Variants in MAD1L1 observed in about 807,000 individuals in gnomAD.
MAD1L1 encodes mitotic arrest deficient 1 like 1.
Under a neutral mutation model 96.9 loss-of-function variants are expected in MAD1L1, and 95 were observed. The ratio of observed to expected loss-of-function variants is 0.98; its 90% CI spans 0.83 to 1.16. The LOEUF (loss-of-function observed/expected upper bound fraction) is 1.16, where lower values mean the gene tolerates loss of function less well. MAD1L1 is among the 50% of genes most tolerant of loss of function. The probability of loss-of-function intolerance (pLI) is 0.00; values close to 1 mark genes in which losing one functional copy is unlikely to be tolerated. For missense variants in MAD1L1, 1,007 were observed against 954.4 expected (o/e 1.06, Z -0.73); for synonymous variants, 473 against 396.6 (o/e 1.19, Z -2.29).
chr7:2,215,809 C>A (rs1036626074), intron 9 of MAD1L1, 76 bp downstream of exon 9: 3 of 1,344,214 alleles, frequency 2.2e-6, no homozygotes, highest in Non-Finnish European at 1.1e-6. Context: ...AGCTGGTGGG[C>A]GTGACCACAA....
intron 3 of MAD1L1, among the ~76,000 whole-genome samples, chr7:2,226,304 GT>G (rs1406134064): frequency 6.6e-6 from 1 of 152,206 alleles, no homozygotes; most frequent in Non-Finnish European, 1.5e-5. Context: ...AGGAAGGTGA[GT>G]GTGCACAAGG....
intron 12 of MAD1L1, among the ~76,000 whole-genome samples, chr7:2,016,992 G>A (rs1000111391): frequency 2.6e-5 from 4 of 152,268 alleles, no homozygotes; most frequent in South Asian, 2.1e-4. Context: ...AGCTGTAATT[G>A]TCTCTTTTAT....
intron 18 of MAD1L1, among the ~76,000 whole-genome samples, chr7:1,884,448 CTT>C (rs1785885002): frequency 6.6e-6 from 1 of 152,202 alleles, no homozygotes; most frequent in Non-Finnish European, 1.5e-5. Flanking sequence ...CCTCAATGCT[CTT>C]GAGGAGCAAC....
chr7:2,190,524 G>T (rs1340214172), intron 10 of MAD1L1, among the ~76,000 whole-genome samples: 2 of 152,114 alleles, frequency 1.3e-5, no homozygotes, highest in South Asian at 4.1e-4. Context: ...AAATGAAAAG[G>T]AAGCCACGTA....
At chr7:2,086,508 T>C (rs1455718850) in intron 11 of MAD1L1, among the ~76,000 whole-genome samples, 1 of 151,936 alleles carries the variant, frequency 6.6e-6, no homozygotes, top group Admixed American at 6.6e-5. Flanking sequence ...GGGAAAGCCG[T>C]AAACGCTGCA....
chr7:2,047,789 GCA>G (rs1311185103), intron 12 of MAD1L1, among the ~76,000 whole-genome samples: 3 of 152,018 alleles, frequency 2.0e-5, no homozygotes, highest in East Asian at 1.9e-4. Flanking sequence ...GCAGACACAT[GCA>G]CACTCACACA....
At chr7:2,109,603 A>C (rs2128555205) in intron 11 of MAD1L1, 1 of 152,314 alleles carries the variant, frequency 6.6e-6, no homozygotes, top group South Asian at 2.1e-4. Flanking sequence ...CCACAATCCA[A>C]GATTGTCAAG....
chr7:2,118,168 C>T (rs879333544), intron 11 of MAD1L1, among the ~76,000 whole-genome samples: 1 of 152,196 alleles, frequency 6.6e-6, no homozygotes, highest in African/African-American at 2.4e-5. Context: ...ACCACAATGC[C>T]GGACGCTGTG....
At chr7:1,847,435 A>AGCT (rs1562452152) in intron 18 of MAD1L1, 2 of 470,760 alleles carry the variant, frequency 4.2e-6, no homozygotes, top group South Asian at 3.1e-5. Context: ...GAGACAGTGG[A>AGCT]GACCTCTACC....
intron 18 of MAD1L1, among the ~76,000 whole-genome samples, chr7:1,886,210 G>A (rs761778607): frequency 2.0e-5 from 3 of 152,230 alleles, no homozygotes; most frequent in Non-Finnish European, 4.4e-5. Context: ...TGTCTAAGGG[G>A]CTTGTCCTCT....
chr7:2,215,376 C>CAAAAA (rs34020959), intron 9 of MAD1L1, among the ~76,000 whole-genome samples: 5 of 83,336 alleles, frequency 6.0e-5, no homozygotes, highest in South Asian at 4.1e-4. Context: ...GACTCCATCT[C>CAAAAA]AAAAAAAAAA....
intron 18 of MAD1L1, among the ~76,000 whole-genome samples, chr7:1,852,848 T>C (rs1032707723): frequency 6.6e-6 from 1 of 151,680 alleles, no homozygotes; most frequent in African/African-American, 2.4e-5. Flanking sequence ...CAAATGAGAC[T>C]CTGAGAGCCG....
At position 2,206,311 on chromosome 7, in the gene MAD1L1, T is replaced by C. The variant is rs557474661; in HGVS notation, c.986+6901A>G. Among the ~76,000 whole-genome samples, 4 of 152,326 alleles carry C rather than the reference T, an allele frequency of 2.6e-5. No individual in the cohort carries two copies. In the East Asian group the frequency reaches 7.7e-4, roughly 29 times the overall value. On this transcript the variant is annotated intron_variant, in intron 10 of 18. Coordinates refer to ENST00000265854, the MANE Select transcript of MAD1L1 (RefSeq NM_001013836.2). ...TATGGTCTGCCTTTTCACTGTATCT[T>C]TTGAGAGCAGAAGTTTTCAATTTTG...
chr7:1,982,354 G>A (rs1050921450), intron 14 of MAD1L1, among the ~76,000 whole-genome samples: 2 of 152,076 alleles, frequency 1.3e-5, no homozygotes, highest in Non-Finnish European at 2.9e-5. Context: ...GATTACAGGT[G>A]CACGCCATCA....
intron 11 of MAD1L1, among the ~76,000 whole-genome samples, chr7:2,082,343 G>C (rs1031272254): frequency 3.9e-5 from 6 of 152,062 alleles, no homozygotes; most frequent in Admixed American, 1.3e-4. Flanking sequence ...AGAAGGGAGA[G>C]AGCGGGAGAG....
At chr7:1,939,725 G>A (rs867988901) in intron 16 of MAD1L1, among the ~76,000 whole-genome samples, 12 of 152,350 alleles carry the variant, frequency 7.9e-5, no homozygotes, top group Middle Eastern at 3.4e-3. Context: ...AGGAGAGGCC[G>A]GTGTGGACAC....
chr7:1,873,611 G>A (rs1299911016), intron 18 of MAD1L1, among the ~76,000 whole-genome samples: 1 of 152,024 alleles, frequency 6.6e-6, no homozygotes, highest in East Asian at 1.9e-4. Flanking sequence ...TGGATGGAGG[G>A]GTAGTGGGAG....
chr7:2,033,833 G>A (rs984103968), intron 12 of MAD1L1, among the ~76,000 whole-genome samples: 8 of 152,208 alleles, frequency 5.3e-5, no homozygotes, highest in Non-Finnish European at 7.3e-5. Context: ...ATCAGACTGC[G>A]GTGGCTCACA....
At position 2,138,304 on chromosome 7, in the gene MAD1L1, C is replaced by T. The variant is rs574803965; in HGVS notation, c.1073+10848G>A. On this transcript the variant is annotated intron_variant, in intron 11 of 18. Coordinates refer to ENST00000265854, the MANE Select transcript of MAD1L1 (RefSeq NM_001013836.2). The stretch of plus-strand genomic sequence containing the variant: ...CCCAGGGGACGTGCTCCCTGGCCAC[C>T]GTCCTGGCTGCGGCAGCGCTCAGCA... Among the ~76,000 whole-genome samples the T allele has an allele frequency of 3.9e-4, 60 of 152,300 alleles. No homozygotes were observed. In the East Asian group the frequency reaches 7.1e-3, roughly 18 times the overall value.
Sources: allele counts gnomAD v4.1 joint callset (sites outside exome capture counted in the v4.1 genomes callset), GRCh38; gene constraint gnomAD v4.1.1; transcripts MANE v1.5; gene names NCBI Gene and HGNC (gene_info 2026-07-23, HGNC 2026-07-21).